Variants in MRTFB observed in about 807,000 individuals in gnomAD.
The protein encoded by MRTFB is myocardin related transcription factor B.
In MRTFB, 29 loss-of-function variants were observed where a neutral mutation model predicts 104.2. The ratio of observed to expected loss-of-function variants is 0.28; its 90% CI spans 0.21 to 0.38. The LOEUF (loss-of-function observed/expected upper bound fraction) is 0.38. MRTFB is among the 10% of genes least tolerant of loss of function. The pLI is 1.00. For synonymous variants in MRTFB, 535 were observed against 519.5 expected (o/e 1.03, Z -0.41); for missense variants, 1,270 against 1,341.6 (o/e 0.95, Z 0.83).
chr16:14,017,667 T>TTGTGTG, the MRTFB span, among the ~76,000 whole-genome samples: 14,304 of 49,248 alleles, frequency 0.29, 3,771 homozygotes, highest in South Asian at 0.48. Context: ...GTGTGTGTAT[T>TTGTGTG]TGTGTGTGTG....
chr16:13,998,375 C>T, the MRTFB span, among the ~76,000 whole-genome samples: 8 of 152,238 alleles, frequency 5.3e-5, no homozygotes, highest in African/African-American at 1.7e-4. Flanking sequence ...AAGAAATTGG[C>T]CAGGCACAGT....
intron 3 of MRTFB, among the ~76,000 whole-genome samples, chr16:14,180,058 T>C (rs2039717651): frequency 6.6e-6 from 1 of 152,206 alleles, no homozygotes. Context: ...AAAATATTTC[T>C]CTTAACCACA....
chr16:14,248,329 G>A (rs944532930), intron 12 of MRTFB: 1 of 152,272 alleles, frequency 6.6e-6, no homozygotes, highest in South Asian at 2.1e-4. Flanking sequence ...CTGTGGTTAG[G>A]AGGCAGGGCC....
chr16:14,242,413 TG>T (rs1202327667), intron 10 of MRTFB, among the ~76,000 whole-genome samples: 1 of 152,194 alleles, frequency 6.6e-6, no homozygotes, highest in African/African-American at 2.4e-5. Flanking sequence ...CTTATTTTTG[TG>T]TATTATTTAA....
chr16:14,234,284 G>A lies in MRTFB; in HGVS notation c.831+1G>A. 6.2e-7 allele frequency: 1 copy of A among 1,613,826 alleles called. No homozygotes were observed. The highest frequency in any genetic ancestry group is 8.5e-7 in the Non-Finnish European group (1 of 1,179,906). On this transcript the variant is annotated splice_donor_variant, in intron 9 of 16. Coordinates refer to ENST00000571589, the MANE Select transcript of MRTFB (RefSeq NM_001308142.2). LOFTEE classifies it high-confidence loss of function. ...AAAGCCTGGCCCAGCACTGGTGAAG[G>A]TGGGTACTTTGGATACACCCTGGGT...
chr16:14,053,811 C>G, the MRTFB span, among the ~76,000 whole-genome samples: 1 of 151,888 alleles, frequency 6.6e-6, no homozygotes, highest in African/African-American at 2.4e-5. Flanking sequence ...CAGGAGGAGC[C>G]CAGGAGTTCA....
At chr16:14,154,135 T>C (rs561717513) in intron 3 of MRTFB, among the ~76,000 whole-genome samples, 1 of 152,252 alleles carries the variant, frequency 6.6e-6, no homozygotes, top group Admixed American at 6.5e-5. Flanking sequence ...GAGTTCAAGA[T>C]CAGCCTGGGC....
intron 3 of MRTFB, chr16:14,187,092 C>A: frequency 7.1e-7 from 1 of 1,405,528 alleles, no homozygotes; most frequent in Non-Finnish European, 9.7e-7. Flanking sequence ...GGTCAGCCAG[C>A]TGAGCGTGTC....
intron 1 of MRTFB, among the ~76,000 whole-genome samples, chr16:14,072,345 A>G (rs1317745170): frequency 1.3e-5 from 2 of 152,206 alleles, no homozygotes; most frequent in Admixed American, 1.3e-4. Context: ...AGAACAGTAT[A>G]TGACAGATGT....
At chr16:14,208,348 C>T (rs2041040649) in intron 3 of MRTFB, among the ~76,000 whole-genome samples, 1 of 152,138 alleles carries the variant, frequency 6.6e-6, no homozygotes, top group Non-Finnish European at 1.5e-5. Flanking sequence ...ATGCCATTCA[C>T]CCAAAAAACG....
At chr16:14,054,730 A>T in the MRTFB span, among the ~76,000 whole-genome samples, 1 of 152,188 alleles carries the variant, frequency 6.6e-6, no homozygotes, top group East Asian at 1.9e-4. Context: ...CTCAGAGTCC[A>T]TCATAGTACT....
chr16:14,210,411 T>TGGATA (rs753016607), intron 4 of MRTFB, 103 bp downstream of exon 4: 34 of 810,984 alleles, frequency 4.2e-5, no homozygotes, highest in Non-Finnish European at 3.1e-5. Context: ...ATCCATTTAA[T>TGGATA]CAACAAACAA....
Position 14,246,678 on chromosome 16 carries a change from C to G in MRTFB, c.1418C>G (p.Thr473Ser), listed in dbSNP as rs369486021. 43 of 1,614,226 alleles carry G rather than the reference C, an allele frequency of 2.7e-5. No individual in the cohort carries two copies. The highest frequency in any genetic ancestry group is 3.6e-5 in the Non-Finnish European group (43 of 1,180,040). ...VALPVTTLHN[T>S]VTSSVSTLKA... ...TTGCCGGTTACAACACTACACAACA[C>G]TGTGACTAGCTCAGTCTCTACTCTC... Residue 473 changes from threonine (T) to serine (S), a missense_variant, in exon 12 of 17, where the codon ACT becomes AGT. Transcript: ENST00000571589.
chr16:14,047,430 G>A, the MRTFB span, among the ~76,000 whole-genome samples: 1 of 152,222 alleles, frequency 6.6e-6, no homozygotes, highest in Non-Finnish European at 1.5e-5. Flanking sequence ...TCCTGGGCCA[G>A]ATGTGGGTCA....
At chr16:14,017,054 TTC>T in the MRTFB span, among the ~76,000 whole-genome samples, 27 of 101,238 alleles carry the variant, frequency 2.7e-4, no homozygotes, top group African/African-American at 7.5e-4. Flanking sequence ...TGCAGTCTTC[TTC>T]TTTTTTTTTT....
At chr16:14,175,828 G>C (rs758091863) in intron 3 of MRTFB, among the ~76,000 whole-genome samples, 15 of 152,184 alleles carry the variant, frequency 9.9e-5, no homozygotes, top group Non-Finnish European at 1.5e-4. Flanking sequence ...ATGAATCTCA[G>C]AGTCACTATG....
chr16:14,119,920 C>A (rs556368275), intron 2 of MRTFB, among the ~76,000 whole-genome samples: 287 of 152,202 alleles, frequency 1.9e-3, no homozygotes, highest in Middle Eastern at 3.4e-3. Flanking sequence ...AGATCATTCT[C>A]CAGAGCAGCT....
intron 8 of MRTFB, among the ~76,000 whole-genome samples, chr16:14,231,482 C>T (rs2042264178): frequency 6.6e-6 from 1 of 151,922 alleles, no homozygotes; most frequent in South Asian, 2.1e-4. Context: ...CTTTTGTCAC[C>T]CAGGTACTAA....
rs2043828036 is a variant in MRTFB, at chr16:14,263,050, C to T, written c.*1606C>T. 6.6e-6 allele frequency: 1 copy of T among 152,560 alleles called. No individual in the cohort carries two copies. The highest frequency in any genetic ancestry group is 2.4e-5 in the African/African-American group (1 of 41,580). 9.5% of individuals were successfully genotyped at this position (152,560 alleles called of 1,614,324 possible). ...GTGTGTGTGTGGTTTATAAATTTTA[C>T]TACGTGTAACAAAAGTCTGCTTTTC... On this transcript the variant is annotated 3_prime_UTR_variant, in exon 17 of 17. Coordinates refer to ENST00000571589, the MANE Select transcript of MRTFB (RefSeq NM_001308142.2).
Sources: allele counts gnomAD v4.1 joint callset (sites outside exome capture counted in the v4.1 genomes callset), GRCh38; gene constraint gnomAD v4.1.1; transcripts MANE v1.5; gene names NCBI Gene and HGNC (gene_info 2026-07-23, HGNC 2026-07-21).